MYLK: variants seen among roughly 807,000 people sequenced by gnomAD.
The protein encoded by MYLK is myosin light chain kinase, also known as myosin light chain kinase, smooth muscle.
Under a neutral mutation model 203.4 loss-of-function variants are expected in MYLK, and 106 were observed. The observed-to-expected ratio is 0.52, with a 90% CI of 0.45 to 0.61. MYLK has a LOEUF of 0.61. Among genes scored for constraint, MYLK ranks in the 20% least tolerant of loss-of-function variants. The pLI is 0.00. For missense variants in MYLK, 2,072 were observed against 2,442.3 expected, an observed-to-expected ratio of 0.85 and a Z score of 3.20; for synonymous variants, 867 against 959.5, an observed-to-expected ratio of 0.90 and a Z score of 1.78.
At chr3:123,753,008 G>A (rs751480629) in intron 4 of MYLK, among the ~76,000 whole-genome samples, 18 of 152,252 alleles carry the variant, frequency 1.2e-4, no homozygotes, top group South Asian at 6.2e-4. Context: ...TTCTGCAGTT[G>A]GGACAAGCTC....
intron 3 of MYLK, among the ~76,000 whole-genome samples, chr3:123,803,527 G>C (rs1045923364): frequency 2.0e-5 from 3 of 152,084 alleles, no homozygotes; most frequent in Admixed American, 1.3e-4. Flanking sequence ...CGGCCTGAAG[G>C]GTCTCTCTGG....
intron 31 of MYLK, chr3:123,624,452 C>T (rs1428411537): frequency 6.6e-6 from 1 of 152,136 alleles, no homozygotes; most frequent in Non-Finnish European, 1.5e-5. Flanking sequence ...TAGGCATCCT[C>T]CTGGCTTTAG....
intron 2 of MYLK, among the ~76,000 whole-genome samples, chr3:123,850,968 G>C (rs1305335963): frequency 4.6e-5 from 7 of 152,196 alleles, no homozygotes; most frequent in African/African-American, 1.7e-4. Context: ...CATACGGCTA[G>C]CCAGTTTTCC....
intron 24 of MYLK, among the ~76,000 whole-genome samples, chr3:123,653,986 T>G (rs1031697046): frequency 3.1e-4 from 43 of 137,650 alleles, no homozygotes; most frequent in African/African-American, 5.9e-4. Flanking sequence ...CAGAGGGATG[T>G]TGTGTGTGTG....
At chr3:123,762,456 C>T (rs2063566221) in intron 4 of MYLK, among the ~76,000 whole-genome samples, 1 of 152,112 alleles carries the variant, frequency 6.6e-6, no homozygotes, top group African/African-American at 2.4e-5. Flanking sequence ...GTCTCAATTT[C>T]CTGGGCTCAA....
intron 23 of MYLK, among the ~76,000 whole-genome samples, chr3:123,658,764 CT>C (rs1350093857): frequency 6.6e-6 from 1 of 152,232 alleles, no homozygotes; most frequent in East Asian, 1.9e-4. Context: ...AAGGCAATGG[CT>C]GCAAATGACC....
rs376646778 is a variant in MYLK, at chr3:123,881,984, T to C, written c.-186+2222A>G. ...AGTGACTGTAGCTGTCTGTCTACCA[T>C]TTTCAGGCAGCAGGTGGGGCCACCT... On this transcript the variant is annotated intron_variant, in intron 1 of 33. Transcript: ENST00000360304. Among the ~76,000 whole-genome samples the C allele has an allele frequency of 1.2e-4, 18 of 152,198 alleles. No homozygotes were observed. In the South Asian group the frequency reaches 3.7e-3, roughly 32 times the overall value.
chr3:123,679,786 T>C (rs890846772), intron 20 of MYLK, among the ~76,000 whole-genome samples: 3 of 152,164 alleles, frequency 2.0e-5, no homozygotes, highest in Admixed American at 2.0e-4. Flanking sequence ...ATTCCCTGCT[T>C]CCAGCTTCTC....
At chr3:123,846,734 T>C (rs1177057732) in intron 2 of MYLK, among the ~76,000 whole-genome samples, 1 of 152,178 alleles carries the variant, frequency 6.6e-6, no homozygotes, top group Non-Finnish European at 1.5e-5. Flanking sequence ...ACCTTTATAA[T>C]GAATCTTCCA....
chr3:123,839,588 C>T (rs1470453707), intron 2 of MYLK, among the ~76,000 whole-genome samples: 1 of 152,118 alleles, frequency 6.6e-6, no homozygotes, highest in Non-Finnish European at 1.5e-5. Flanking sequence ...GAAAGGAGAA[C>T]TAGGAAAATC....
chr3:123,883,738 A>C (rs886709178), intron 1 of MYLK, among the ~76,000 whole-genome samples: 2 of 152,148 alleles, frequency 1.3e-5, no homozygotes, highest in Admixed American at 6.5e-5. Context: ...AAGTCTGCAA[A>C]GCCCGCGCCC....
chr3:123,676,410 G>A (rs1268926033), intron 20 of MYLK, among the ~76,000 whole-genome samples: 1 of 152,162 alleles, frequency 6.6e-6, no homozygotes, highest in Non-Finnish European at 1.5e-5. Flanking sequence ...AATCCCATCA[G>A]GATTGAACAT....
At chr3:123,787,796 A>C (rs1461258693) in intron 4 of MYLK, among the ~76,000 whole-genome samples, 1 of 152,214 alleles carries the variant, frequency 6.6e-6, no homozygotes, top group Non-Finnish European at 1.5e-5. Context: ...CAAATATGTT[A>C]GTCCCCTTTC....
At position 123,708,789 on chromosome 3, in the gene MYLK, C is replaced by T. The variant is rs757464897; in HGVS notation, c.2049G>A (p.Gln683=). 1.2e-5 allele frequency: 19 copies of T among 1,614,188 alleles called. No homozygotes were observed. In the East Asian group the frequency reaches 3.3e-4, roughly 28 times the overall value. The change falls in exon 15 of 34, where the codon CAG becomes CAA. Residue 683 remains glutamine (Q), a synonymous_variant. Coordinates refer to ENST00000360304, the MANE Select transcript of MYLK (RefSeq NM_053025.4). ...QRGTQHSLCI[Q]EVFPEDTGTY... ...TGCCCGTGTCCTCCGGGAACACTTC[C>T]TGGATACAAAGGCTGTGCTGAGTTC...
rs1264405003 is a variant in MYLK at position 123,701,077 on chromosome 3, A to G, written c.2463-72T>C. 1.9e-5 allele frequency: 27 copies of G among 1,425,382 alleles called. No individual in the cohort carries two copies. The African/African-American group carries it at 3.2e-4, about 17-fold the overall frequency. 88.3% of individuals were successfully genotyped at this position (1,425,382 alleles called of 1,614,324 possible). On this transcript the variant is annotated intron_variant, in intron 17 of 33. Coordinates refer to ENST00000360304, the MANE Select transcript of MYLK (RefSeq NM_053025.4). ...CTGGGTAAGAAAGAAACTTCAGGGG[A>G]GAGCAAATCCCTGAGGGTGGGAGGG...
Position 123,708,693 on chromosome 3 carries a change from C to T in MYLK, c.2140+5G>A, listed in dbSNP as rs758546370. The T allele has an allele frequency of 1.2e-6, 2 of 1,614,020 alleles. No individual in the cohort carries two copies. Among genetic ancestry groups the T allele is most frequent in the Non-Finnish European group, 1.7e-6 (2 of 1,180,014 alleles). On this transcript the variant is annotated splice_donor_5th_base_variant and intron_variant, in intron 15 of 33. Coordinates refer to ENST00000360304, the MANE Select transcript of MYLK (RefSeq NM_053025.4). ...TCCCACTCGCTCTGAGTGGGTCAGC[C>T]TCACCTTGTACCGTGAGCACGGCCT...
intron 20 of MYLK, among the ~76,000 whole-genome samples, chr3:123,679,338 C>T (rs1022104617): frequency 6.6e-6 from 1 of 151,694 alleles, no homozygotes; most frequent in African/African-American, 2.4e-5. Context: ...CAAGACATCT[C>T]CTTCACTTCC....
rs779495932 is a variant in MYLK at position 123,738,972 on chromosome 3, C to A, written c.513G>T (p.Val171=). The A allele has an allele frequency of 1.2e-6, 2 of 1,613,576 alleles. No individual in the cohort carries two copies. The highest frequency in any genetic ancestry group is 1.7e-6 in the Non-Finnish European group (2 of 1,179,820). Residue 171 remains valine, a synonymous_variant, in exon 7 of 34, where the codon GTG becomes GTT. Coordinates refer to ENST00000360304, the MANE Select transcript of MYLK (RefSeq NM_053025.4). ...PKFATKLGRV[V]VKEGQMGRFS... ...ATCGTCCCATCTGTCCTTCTTTGAC[C>A]ACAACTCGGCCCAGCTTGGTAGCAA...
intron 27 of MYLK, among the ~76,000 whole-genome samples, chr3:123,646,796 A>C (rs1299605646): frequency 2.0e-5 from 3 of 152,200 alleles, no homozygotes; most frequent in African/African-American, 7.2e-5. Flanking sequence ...CCTGGATTTC[A>C]AGCCCCCAGC....
Sources: allele counts gnomAD v4.1 joint callset (sites outside exome capture counted in the v4.1 genomes callset), GRCh38; gene constraint gnomAD v4.1.1; transcripts MANE v1.5; gene names NCBI Gene and HGNC (gene_info 2026-07-23, HGNC 2026-07-21).